NKAIN2: variants seen among roughly 807,000 people sequenced by gnomAD.
NKAIN2 encodes sodium/potassium-transporting ATPase subunit beta-1-interacting protein 2.
In NKAIN2, 14 loss-of-function variants were observed where a neutral mutation model predicts 32.6. The observed-to-expected ratio is 0.43, with a 90% CI of 0.28 to 0.67. The LOEUF (loss-of-function observed/expected upper bound fraction) is 0.67, where lower values mean the gene tolerates loss of function less well. NKAIN2 is among the 30% of genes least tolerant of loss of function. NKAIN2 has a pLI of 0.17. For missense variants in NKAIN2, 198 were observed against 258.3 expected (o/e 0.77, Z 1.60); for synonymous variants, 80 against 87.2 (o/e 0.92, Z 0.46).
intron 3 of NKAIN2, among the ~76,000 whole-genome samples, chr6:124,544,102 G>C (rs1323778646): frequency 6.6e-6 from 1 of 152,040 alleles, no homozygotes. Context: ...CTACATGTAG[G>C]CCATTAGGTT....
rs533518370 is a variant in NKAIN2, at chr6:124,167,683, G to T, written c.55-115322G>T. 1.3e-4 allele frequency among the ~76,000 whole-genome samples: 20 copies of T among 152,218 alleles called. No homozygotes were observed. The South Asian group carries it at 3.9e-3, about 30-fold the overall frequency. ...TCATAGATAGCTCTTATTATTTTGAGATATGTCCCATCAGTACCTAATTTA... is the reference window on the plus strand; with the variant it reads ...TCATAGATAGCTCTTATTATTTTGATATATGTCCCATCAGTACCTAATTTA... On this transcript the variant is annotated intron_variant, in intron 1 of 6. Transcript: ENST00000368417.
intron 3 of NKAIN2, among the ~76,000 whole-genome samples, chr6:124,392,316 C>A (rs59979014): frequency 0.066 from 10,010 of 152,112 alleles, 520 homozygotes; most frequent in African/African-American, 0.15. Context: ...CATGCTATGG[C>A]CATAGTAAGT....
intron 1 of NKAIN2, among the ~76,000 whole-genome samples, chr6:124,196,087 T>C (rs567692657): frequency 2.8e-4 from 43 of 152,226 alleles, no homozygotes; most frequent in Middle Eastern, 6.8e-3. Context: ...TCCAACAAAC[T>C]AGTGATTATA....
rs544878412 is a variant in NKAIN2, at chr6:124,480,183, C to A, written c.273+124836C>A. On this transcript the variant is annotated intron_variant, in intron 3 of 6. Coordinates refer to ENST00000368417, the MANE Select transcript of NKAIN2 (RefSeq NM_001040214.3). ...TGAGTTTAAGTGAGGTAATAAAATT[C>A]TTTTTTATTTTTTTATTTTTTGGAA... Among the ~76,000 whole-genome samples the A allele has an allele frequency of 5.3e-5, 8 of 152,170 alleles. No individual in the cohort carries two copies. In the South Asian group the frequency reaches 8.3e-4, roughly 16 times the overall value.
chr6:124,411,862 A>G (rs572697478), intron 3 of NKAIN2, among the ~76,000 whole-genome samples: 1 of 152,084 alleles, frequency 6.6e-6, no homozygotes, highest in African/African-American at 2.4e-5. Flanking sequence ...TCCATATTTC[A>G]TGGAGGCTTT....
intron 4 of NKAIN2, among the ~76,000 whole-genome samples, chr6:124,785,068 G>T (rs1779438717): frequency 6.6e-6 from 1 of 151,676 alleles, no homozygotes; most frequent in Admixed American, 6.6e-5. Context: ...CTCCAGTGGG[G>T]GAAAAAAAAG....
intron 2 of NKAIN2, among the ~76,000 whole-genome samples, chr6:124,328,404 T>G: frequency 6.6e-6 from 1 of 152,210 alleles, no homozygotes; most frequent in African/African-American, 2.4e-5. Context: ...ATGCTTATGG[T>G]GATTCATCAA....
At chr6:124,280,087 A>G (rs1795222532) in intron 1 of NKAIN2, among the ~76,000 whole-genome samples, 3 of 152,188 alleles carry the variant, frequency 2.0e-5, no homozygotes, top group Admixed American at 1.3e-4. Context: ...TTATGTGAAA[A>G]TAACACATAA....
intron 5 of NKAIN2, among the ~76,000 whole-genome samples, chr6:124,807,781 A>G (rs1158232495): frequency 1.3e-5 from 2 of 151,628 alleles, no homozygotes; most frequent in South Asian, 2.1e-4. Flanking sequence ...AATAGACACA[A>G]TAAAAAATGA....
chr6:124,010,632 C>A (rs762015850), intron 1 of NKAIN2, among the ~76,000 whole-genome samples: 1 of 151,454 alleles, frequency 6.6e-6, no homozygotes, highest in Non-Finnish European at 1.5e-5. Flanking sequence ...TACTGCCATT[C>A]TCTCACCTGT....
At chr6:124,773,193 G>A (rs1446198231) in intron 4 of NKAIN2, among the ~76,000 whole-genome samples, 1 of 152,096 alleles carries the variant, frequency 6.6e-6, no homozygotes, top group Non-Finnish European at 1.5e-5. Flanking sequence ...ACCGTTTTAA[G>A]ATAGAAGAGA....
intron 4 of NKAIN2, among the ~76,000 whole-genome samples, chr6:124,728,695 A>C (rs536506240): frequency 0.018 from 2,604 of 143,612 alleles, 63 homozygotes; most frequent in African/African-American, 0.054. Context: ...GAAGGCAAGA[A>C]ATAACTAAAA....
intron 1 of NKAIN2, among the ~76,000 whole-genome samples, chr6:124,093,096 T>A (rs1364532770): frequency 6.6e-6 from 1 of 152,120 alleles, no homozygotes; most frequent in Non-Finnish European, 1.5e-5. Context: ...TGATTTCCTC[T>A]GGGCATTTTT....
intron 1 of NKAIN2, among the ~76,000 whole-genome samples, chr6:124,280,025 T>A (rs1795219807): frequency 6.6e-6 from 1 of 152,058 alleles, no homozygotes; most frequent in South Asian, 2.1e-4. Context: ...GAACCAAAAT[T>A]TATATACAGG....
chr6:124,339,805 GCCTA>G (rs1798045492), intron 2 of NKAIN2, among the ~76,000 whole-genome samples: 1 of 152,070 alleles, frequency 6.6e-6, no homozygotes, highest in East Asian at 1.9e-4. Context: ...CCATTTCCCA[GCCTA>G]CTATTGTGCG....
intron 3 of NKAIN2, among the ~76,000 whole-genome samples, chr6:124,358,895 T>C (rs1398022151): frequency 6.6e-6 from 1 of 151,500 alleles, no homozygotes; most frequent in African/African-American, 2.4e-5. Flanking sequence ...CTAGGGTTTT[T>C]ATGGTTTTAG....
At chr6:124,393,336 T>C (rs1773223837) in intron 3 of NKAIN2, among the ~76,000 whole-genome samples, 1 of 138,262 alleles carries the variant, frequency 7.2e-6, no homozygotes, top group Admixed American at 7.4e-5. Flanking sequence ...TCATGTCACT[T>C]ATAGAATTTT....
intron 1 of NKAIN2, among the ~76,000 whole-genome samples, chr6:123,868,958 G>A (rs1213870225): frequency 6.6e-6 from 1 of 152,178 alleles, no homozygotes; most frequent in East Asian, 1.9e-4. Context: ...ACATATTAAT[G>A]AAGTCTGTAC....
intron 3 of NKAIN2, among the ~76,000 whole-genome samples, chr6:124,625,754 T>C (rs1003771686): frequency 1.3e-5 from 2 of 151,950 alleles, no homozygotes; most frequent in African/African-American, 4.8e-5. Context: ...CAGAAAATCT[T>C]CAAAGTGCTA....
Sources: allele counts gnomAD v4.1 joint callset (sites outside exome capture counted in the v4.1 genomes callset), GRCh38; gene constraint gnomAD v4.1.1; transcripts MANE v1.5; gene names NCBI Gene and HGNC (gene_info 2026-07-23, HGNC 2026-07-21).